Variants in OR3A2 observed in about 807,000 individuals in gnomAD.
The protein encoded by OR3A2 is olfactory receptor family 3 subfamily A member 2.
For synonymous variants in OR3A2, 126 were observed against 159.3 expected, an observed-to-expected ratio of 0.79 and a Z score of 1.57; for missense variants, 318 against 392.8, an observed-to-expected ratio of 0.81 and a Z score of 1.61.
rs768442593 is a variant in OR3A2 at position 3,278,027 on chromosome 17, G to C, written c.891C>G (p.Asn297Lys). ...GCCACAGAGCACCCTGAACATCAGG[G>C]TTTCTGAGGCTGTAGATAAGAGGGT... Residue 297 changes from asparagine (N) to lysine (K), a missense_variant, in exon 2 of 2, where the codon AAC becomes AAG. Transcript: ENST00000642052. 1.9e-6 allele frequency: 3 copies of C among 1,610,088 alleles called. No individual in the cohort carries two copies. In the Admixed American group the frequency reaches 5.0e-5, roughly 27 times the overall value.
intron 2 of OR3A2, among the ~76,000 whole-genome samples, chr17:3,353,347 A>G (rs982985757): frequency 4.0e-5 from 6 of 150,416 alleles, no homozygotes; most frequent in African/African-American, 1.2e-4. Flanking sequence ...ATGTCCTTTT[A>G]TATGTTTCTC....
At chr17:3,282,331 G>A (rs543878624) in intron 1 of OR3A2, among the ~76,000 whole-genome samples, 67 of 152,310 alleles carry the variant, frequency 4.4e-4, no homozygotes, top group Non-Finnish European at 8.8e-5. Flanking sequence ...ACTTGAACCC[G>A]GGAGGCGGAG....
At chr17:3,280,390 G>A (rs929024860) in intron 1 of OR3A2, among the ~76,000 whole-genome samples, 3 of 151,770 alleles carry the variant, frequency 2.0e-5, no homozygotes, top group Non-Finnish European at 4.4e-5. Flanking sequence ...TCCTGCCTCA[G>A]CCTCCTGAAT....
chr17:3,368,044 A>C (rs887505541), intron 2 of OR3A2, among the ~76,000 whole-genome samples: 3 of 151,970 alleles, frequency 2.0e-5, no homozygotes, highest in African/African-American at 7.3e-5. Flanking sequence ...ATCTTTTGAG[A>C]ATTGTCTATT....
intron 3 of OR3A2, among the ~76,000 whole-genome samples, chr17:3,325,082 G>C (rs2049159556): frequency 1.3e-5 from 2 of 149,784 alleles, no homozygotes; most frequent in Non-Finnish European, 3.0e-5. Flanking sequence ...CTATTTTTAT[G>C]ATTTTGTTTT....
rs888230126 is a variant in OR3A2 at position 3,330,220 on chromosome 17, T to C, written c.-85+5813A>G. On this transcript the variant is annotated intron_variant, in intron 3 of 4. Transcript: ENST00000573491. ...TGGGGTGGAGAGTTCTGTAGATGTC[T>C]ATTAGGTTGGCTTGGTGCAGAGCTG... is the stretch of plus-strand genomic sequence containing the variant. Among the ~76,000 whole-genome samples, 5 of 151,718 alleles carry C rather than the reference T, an allele frequency of 3.3e-5. No individual in the cohort carries two copies. The East Asian group carries it at 5.8e-4, about 18-fold the overall frequency.
At chr17:3,383,676 G>A (rs1429017955) in intron 2 of OR3A2, 2 of 152,122 alleles carry the variant, frequency 1.3e-5, no homozygotes, top group Non-Finnish European at 2.9e-5. Flanking sequence ...GCTCTCTGAT[G>A]CTACTACTCT....
chr17:3,357,061 C>A (rs2049470256), intron 2 of OR3A2, among the ~76,000 whole-genome samples: 1 of 151,770 alleles, frequency 6.6e-6, no homozygotes, highest in African/African-American at 2.4e-5. Context: ...CCCCTTGCTA[C>A]AACAGCTCAA....
chr17:3,369,745 C>T (rs974533476), intron 2 of OR3A2, among the ~76,000 whole-genome samples: 1 of 150,192 alleles, frequency 6.7e-6, no homozygotes, highest in Non-Finnish European at 1.5e-5. Flanking sequence ...CCTGGCTTCA[C>T]AGAATGATTT....
chr17:3,340,734 T>C (rs2049309677), intron 2 of OR3A2, among the ~76,000 whole-genome samples: 1 of 50,442 alleles, frequency 2.0e-5, no homozygotes, highest in East Asian at 5.8e-4. Context: ...GAAGAATGTA[T>C]ATTCTGTTGA....
At chr17:3,330,898 G>A (rs979108371) in intron 3 of OR3A2, among the ~76,000 whole-genome samples, 1 of 151,520 alleles carries the variant, frequency 6.6e-6, no homozygotes, top group East Asian at 1.9e-4. Flanking sequence ...GCTCTTTTAG[G>A]GCAGGCCTGG....
chr17:3,323,992 C>A (rs1355860165), intron 3 of OR3A2, among the ~76,000 whole-genome samples: 1 of 152,122 alleles, frequency 6.6e-6, no homozygotes, highest in Non-Finnish European at 1.5e-5. Context: ...TTTTCAGGTA[C>A]ACCAATCAGA....
chr17:3,310,444 C>A (rs1257921323), intron 3 of OR3A2: 1 of 535,512 alleles, frequency 1.9e-6, no homozygotes, highest in Admixed American at 1.9e-5. Flanking sequence ...ATTGGAGGCA[C>A]CCTCAGCATC....
chr17:3,321,536 T>C (rs926868412), intron 3 of OR3A2, among the ~76,000 whole-genome samples: 4 of 152,128 alleles, frequency 2.6e-5, no homozygotes, highest in Non-Finnish European at 5.9e-5. Flanking sequence ...TAGCTCTTAT[T>C]ATTTTGAGAT....
intron 2 of OR3A2, among the ~76,000 whole-genome samples, chr17:3,359,063 G>C (rs759941366): frequency 2.0e-5 from 3 of 151,634 alleles, no homozygotes; most frequent in Admixed American, 6.6e-5. Context: ...GATATTTGTT[G>C]GTTTTAAATC....
intron 2 of OR3A2, among the ~76,000 whole-genome samples, chr17:3,343,164 T>C (rs2150648754): frequency 6.6e-6 from 1 of 152,326 alleles, no homozygotes; most frequent in Non-Finnish European, 1.5e-5. Context: ...CAGTCTGTCA[T>C]GGCTTCCCTT....
intron 3 of OR3A2, among the ~76,000 whole-genome samples, chr17:3,319,181 T>C (rs991198495): frequency 3.3e-5 from 5 of 152,132 alleles, no homozygotes; most frequent in Non-Finnish European, 4.4e-5. Context: ...GATTCTACTG[T>C]ATGCAAGGAC....
chr17:3,342,033 C>T (rs1331613658), intron 2 of OR3A2, among the ~76,000 whole-genome samples: 3 of 152,196 alleles, frequency 2.0e-5, no homozygotes, highest in Non-Finnish European at 4.4e-5. Flanking sequence ...ATCACTAATA[C>T]TCTTTCTTCC....
intron 3 of OR3A2, among the ~76,000 whole-genome samples, chr17:3,334,219 C>G (rs536307768): frequency 2.6e-5 from 4 of 152,188 alleles, no homozygotes; most frequent in African/African-American, 9.6e-5. Flanking sequence ...GATCTAGAAG[C>G]AGAAATACCA....
Sources: gnomAD v4.1 joint callset for allele counts (sites outside exome capture counted in the v4.1 genomes callset) on GRCh38, gnomAD v4.1.1 for gene constraint, MANE v1.5 for transcripts, NCBI Gene and HGNC (gene_info 2026-07-23, HGNC 2026-07-21) for gene names.